NFRKB: variants seen among roughly 807,000 people sequenced by gnomAD.
The protein encoded by NFRKB is nuclear factor related to kappa-B-binding protein.
A neutral mutation model predicts 135.7 loss-of-function variants in NFRKB; 62 were observed. That is an observed-to-expected ratio of 0.46 (90% CI 0.37 to 0.56). The LOEUF is 0.56. NFRKB is among the 20% of genes least tolerant of loss of function. The pLI is 0.00. For missense variants in NFRKB, 1,545 were observed against 1,662.0 expected (o/e 0.93, Z 1.22); for synonymous variants, 678 against 635.6 (o/e 1.07, Z -1.00).
intron 4 of NFRKB, chr11:129,888,290 A>C (rs1335628903): frequency 3.4e-6 from 2 of 592,280 alleles, no homozygotes; most frequent in Non-Finnish European, 6.0e-6. Flanking sequence ...AAAATTTTTT[A>C]AAGACCAGAC....
chr11:129,884,028 T>C (rs775263068), intron 8 of NFRKB, 42 bp downstream of exon 8: 2 of 1,604,094 alleles, frequency 1.2e-6, no homozygotes, highest in South Asian at 2.2e-5. Flanking sequence ...TCCTGAGACA[T>C]CAGGCTGAAA....
chr11:129,874,199 G>A lies in NFRKB; in HGVS notation c.2193C>T (p.Pro731=). The change falls in exon 21 of 27, where the codon CCC becomes CCT. Residue 731 remains proline (P), a synonymous_variant. Transcript: ENST00000682444. The surrounding 1 kb of genome is among the most constrained non-coding windows in gnomAD (Gnocchi z 4.5). ...TPVTPTTPAL[P]AIPISPPPVS... ...CAGGTGGAGGGGAGATGGGAATGGC[G>A]GGCAATGCTGGTGTGGTGGGGGTTA... is the stretch of plus-strand genomic sequence containing the variant. 5.9e-6 allele frequency: 9 copies of A among 1,520,234 alleles called. No individual in the cohort carries two copies. Among genetic ancestry groups the A allele is most frequent in the Middle Eastern group, 1.8e-4 (1 of 5,606 alleles). 94.2% of individuals were successfully genotyped at this position (1,520,234 alleles called of 1,614,324 possible). A position where few individuals can be genotyped will look rare whatever the true frequency, so the allele number is the denominator to read the frequency against.
chr11:129,871,924 A>T (rs945436047), intron 23 of NFRKB, among the ~76,000 whole-genome samples: 1 of 149,994 alleles, frequency 6.7e-6, no homozygotes, highest in Admixed American at 6.6e-5. Context: ...ATCTTCTAAC[A>T]CCCTCACACT....
At chr11:129,868,764 C>T (rs530864671) in intron 24 of NFRKB, among the ~76,000 whole-genome samples, 1 of 152,318 alleles carries the variant, frequency 6.6e-6, no homozygotes, top group South Asian at 2.1e-4. Flanking sequence ...GGCGGTGACT[C>T]ACGCCTGTAA....
At chr11:129,869,191 G>C (rs1236775653) in intron 24 of NFRKB, among the ~76,000 whole-genome samples, 2 of 152,120 alleles carry the variant, frequency 1.3e-5, no homozygotes, top group Admixed American at 6.5e-5. Flanking sequence ...ACGTAGTCAG[G>C]TTTTATTTTG....
rs997906581 is a variant in NFRKB at position 129,885,626 on chromosome 11, T to C, written c.466-17A>G. ...CAGCAGATCCTAGGTAGAGATCAGGTGGGGGTACAAGTCATCATCCAAGAC... is the reference window on the plus strand; with the variant it reads ...CAGCAGATCCTAGGTAGAGATCAGGCGGGGGTACAAGTCATCATCCAAGAC... On this transcript the variant is annotated splice_polypyrimidine_tract_variant and intron_variant, in intron 5 of 26. Transcript: ENST00000682444. 6.3e-7 allele frequency: 1 copy of C among 1,595,576 alleles called. No individual in the cohort carries two copies. Among genetic ancestry groups the C allele is most frequent in the East Asian group, 2.2e-5 (1 of 44,522 alleles).
Position 129,881,709 on chromosome 11 carries a change from C to T in NFRKB, c.1318+18G>A. On this transcript the variant is annotated intron_variant, in intron 12 of 26. Transcript: ENST00000682444. ...AAAAGGGGGAAAAATACTGACCCTA[C>T]AAAAAAGAGCATCTTACCTCGACTT... 8 of 1,613,028 alleles carry T rather than the reference C, an allele frequency of 5.0e-6. No homozygotes were observed. The highest frequency in any genetic ancestry group is 6.8e-6 in the Non-Finnish European group (8 of 1,179,474).
chr11:129,876,755 G>C lies in NFRKB; in HGVS notation c.1713C>G (p.Ser571=), dbSNP rs373073694. 11 of 1,613,974 alleles carry C rather than the reference G, an allele frequency of 6.8e-6. No homozygotes were observed. Among genetic ancestry groups the C allele is most frequent in the Non-Finnish European group, 9.3e-6 (11 of 1,179,954 alleles). ...GAATGGTGACGTAGGCAGGCCGGTC[G>C]GAGCGCAGCAGGGAGTGCTCCCGAG... ...NKAREHSLLR[S]DRPAYVTILS... is the part of the protein sequence containing the mutation. The change falls in exon 17 of 27, where the codon TCC becomes TCG. Residue 571 remains serine (S), a synonymous_variant. Transcript: ENST00000682444.
chr11:129,889,985 T>C (rs1949472081), intron 3 of NFRKB, among the ~76,000 whole-genome samples: 1 of 150,638 alleles, frequency 6.6e-6, no homozygotes, highest in African/African-American at 2.5e-5. Context: ...TGTGTGTGTA[T>C]GCATTTTATA....
chr11:129,869,811 T>C lies in NFRKB; in HGVS notation c.3214A>G (p.Lys1072Glu). 2.5e-6 allele frequency: 4 copies of C among 1,614,228 alleles called. No homozygotes were observed. Among genetic ancestry groups the C allele is most frequent in the Non-Finnish European group, 3.4e-6 (4 of 1,180,044 alleles). The change falls in exon 24 of 27, where the codon AAG becomes GAG. Residue 1072 changes from lysine to glutamate, a missense_variant. This residue lies in a region of NFRKB where 753 missense variants were observed against 804.3 expected (regional missense o/e 0.94). Transcript: ENST00000682444. ...GAAGAGGCCACTGTGCTTTTTCCCTTCTGGTCAGCCACACTCACGCCAAGA... is the reference window on the plus strand; with the variant it reads ...GAAGAGGCCACTGTGCTTTTTCCCTCCTGGTCAGCCACACTCACGCCAAGA... The part of the protein sequence containing the change: ...PALGVSVADQ[K>E]GKSTVASSEA...
rs775574452 is a variant in NFRKB, at chr11:129,882,558, C to T, written c.975G>A (p.Thr325=). ...KEEKKKKKIK[T]IKSEAEDLAE... ...CCAGGTCCTCTGCCTCTGATTTGAT[C>T]GTTTTTATTTTCTTCTTCTTCTTTT... Residue 325 remains threonine, a synonymous_variant, in exon 10 of 27, where the codon ACG becomes ACA. Coordinates refer to ENST00000682444, the MANE Select transcript of NFRKB (RefSeq NM_001143835.2). The T allele has an allele frequency of 5.0e-6, 8 of 1,613,952 alleles. No homozygotes were observed. The highest frequency in any genetic ancestry group is 6.8e-6 in the Non-Finnish European group (8 of 1,179,994).
At chr11:129,890,773 A>C (rs1386063174) in intron 3 of NFRKB, among the ~76,000 whole-genome samples, 1 of 152,228 alleles carries the variant, frequency 6.6e-6, no homozygotes, top group Non-Finnish European at 1.5e-5. Flanking sequence ...GAAAGTGGAC[A>C]AAAACAAGCT....
At chr11:129,890,626 C>T (rs965277963) in intron 3 of NFRKB, among the ~76,000 whole-genome samples, 3 of 152,214 alleles carry the variant, frequency 2.0e-5, no homozygotes, top group African/African-American at 7.2e-5. Flanking sequence ...ATGCTCCACA[C>T]CTGTATGTTC....
chr11:129,885,552 G>A lies in NFRKB; in HGVS notation c.523C>T (p.Pro175Ser), dbSNP rs1290461894. 2 of 1,613,958 alleles carry A rather than the reference G, an allele frequency of 1.2e-6. No individual in the cohort carries two copies. The highest frequency in any genetic ancestry group is 1.1e-5 in the South Asian group (1 of 91,084). The change falls in exon 6 of 27, where the codon CCT becomes TCT. Residue 175 changes from proline to serine, a missense_variant. By Grantham distance (74) the Pro-to-Ser change is moderately conservative. Around this residue, in one of 3 missense-constraint regions of NFRKB, gnomAD observed 678 missense variants for 646.7 expected, o/e 1.05. Coordinates refer to ENST00000682444, the MANE Select transcript of NFRKB (RefSeq NM_001143835.2). ...GPALPFRQKR[P>S]SPSRTPEERE... Reference sequence around the variant, plus strand: ...TCCTCAGGTGTGCGGGATGGTGAAGGGCGTTTCTGCCGGAAGGGAAGGGCG... The same window carrying A: ...TCCTCAGGTGTGCGGGATGGTGAAGAGCGTTTCTGCCGGAAGGGAAGGGCG...
rs750375032 is a variant in NFRKB at position 129,864,771 on chromosome 11, A to G, written c.3854T>C (p.Val1285Ala). Residue 1285 changes from valine to alanine, a missense_variant, in exon 27 of 27, where the codon GTT becomes GCT. Val to Ala is a moderately conservative substitution (Grantham distance 64). This residue lies in a region of NFRKB where 753 missense variants were observed against 804.3 expected (regional missense o/e 0.94). Transcript: ENST00000682444. The stretch of plus-strand genomic sequence containing the variant: ...TTTAGGAGACGGAGCTGTAGTCACA[A>G]CAACAGTGGAGACTGCTTTGGAGGA... Reference protein sequence around the residue: ...SGSSKAVSTVVVTTAPSPKQA... With the variant: ...SGSSKAVSTVAVTTAPSPKQA... 11 of 1,614,058 alleles carry G rather than the reference A, an allele frequency of 6.8e-6. No homozygotes were observed. The highest frequency in any genetic ancestry group is 1.3e-5 in the African/African-American group (1 of 74,914).
chr11:129,871,133 A>G (rs1358313009), intron 23 of NFRKB, among the ~76,000 whole-genome samples: 1 of 152,200 alleles, frequency 6.6e-6, no homozygotes, highest in African/African-American at 2.4e-5. Flanking sequence ...TGTAGTTAAA[A>G]TCATCTCTAA....
Position 129,874,474 on chromosome 11 carries a change from G to C in NFRKB, c.2058+27C>G, listed in dbSNP as rs1426666613. 1.2e-6 allele frequency: 2 copies of C among 1,607,436 alleles called. No homozygotes were observed. The highest frequency in any genetic ancestry group is 8.5e-7 in the Non-Finnish European group (1 of 1,177,452). On this transcript the variant is annotated intron_variant, in intron 20 of 26. Coordinates refer to ENST00000682444, the MANE Select transcript of NFRKB (RefSeq NM_001143835.2). The surrounding 1 kb of genome is among the most constrained non-coding windows in gnomAD (Gnocchi z 4.5). The stretch of plus-strand genomic sequence containing the variant: ...GTTGCCTCCATCCCAGAATCCCTAG[G>C]GCAGACACTCTCCTGAAGTCACTTA...
chr11:129,878,662 CA>C, intron 13 of NFRKB, 119 bp from the exon 14 acceptor site: 1 of 829,128 alleles, frequency 1.2e-6, no homozygotes, highest in Non-Finnish European at 1.9e-6. Flanking sequence ...GCTGTAGCAA[CA>C]ATCCTTCACA....
chr11:129,881,076 T>C (rs1949003373), intron 13 of NFRKB, among the ~76,000 whole-genome samples: 1 of 152,306 alleles, frequency 6.6e-6, no homozygotes, highest in East Asian at 1.9e-4. Context: ...CTCTCCTCAA[T>C]AGCAAAGCCC....
Sources: gnomAD v4.1 joint callset for allele counts (sites outside exome capture counted in the v4.1 genomes callset) on GRCh38, gnomAD v4.1.1 for gene constraint, gnomAD v4.1.1 regional missense constraint, Gnocchi (gnomAD v3.1) non-coding constraint, MANE v1.5 for transcripts, NCBI Gene and HGNC (gene_info 2026-07-23, HGNC 2026-07-21) for gene names.